Variants in NRP1 observed in about 807,000 individuals in gnomAD.
The protein encoded by NRP1 is neuropilin-1.
In NRP1, 35 loss-of-function variants were observed where a neutral mutation model predicts 106.7. The ratio of observed to expected loss-of-function variants is 0.33; its 90% CI spans 0.25 to 0.43. The LOEUF (loss-of-function observed/expected upper bound fraction) is 0.43, where lower values mean the gene tolerates loss of function less well. Among genes scored for constraint, NRP1 ranks in the 20% least tolerant of loss-of-function variants. The pLI is 1.00. For missense variants in NRP1, 1,024 were observed against 1,170.4 expected, an observed-to-expected ratio of 0.87 and a Z score of 1.83; for synonymous variants, 437 against 417.9, an observed-to-expected ratio of 1.05 and a Z score of -0.56.
At chr10:33,181,412 C>T (rs1835676706) in intron 16 of NRP1, among the ~76,000 whole-genome samples, 1 of 152,166 alleles carries the variant, frequency 6.6e-6, no homozygotes, top group Non-Finnish European at 1.5e-5. Flanking sequence ...CAGCAAGGTG[C>T]AATATTTATT....
intron 8 of NRP1, among the ~76,000 whole-genome samples, chr10:33,214,055 G>A (rs1423393589): frequency 6.6e-6 from 1 of 152,196 alleles, no homozygotes; most frequent in Non-Finnish European, 1.5e-5. Context: ...CTTAAGAGAA[G>A]TTCATAGTTT....
intron 2 of NRP1, among the ~76,000 whole-genome samples, chr10:33,311,747 A>C (rs1193819078): frequency 6.6e-6 from 1 of 152,192 alleles, no homozygotes; most frequent in East Asian, 1.9e-4. Context: ...TACCACTTAT[A>C]TATATTTTTA....
chr10:33,285,359 A>G (rs1662144256), intron 2 of NRP1, among the ~76,000 whole-genome samples: 1 of 152,216 alleles, frequency 6.6e-6, no homozygotes, highest in South Asian at 2.1e-4. Flanking sequence ...AGAACACTCA[A>G]TGGAGTGGAA....
intron 2 of NRP1, among the ~76,000 whole-genome samples, chr10:33,316,013 T>G (rs1389485509): frequency 6.6e-6 from 1 of 152,206 alleles, no homozygotes; most frequent in East Asian, 1.9e-4. Context: ...ATCTCCTTAT[T>G]TGGCCTCCTG....
chr10:33,270,804 C>T lies in NRP1; in HGVS notation c.301G>A (p.Gly101Arg). 6.2e-7 allele frequency: 1 copy of T among 1,613,516 alleles called. No individual in the cohort carries two copies. The highest frequency in any genetic ancestry group is 2.2e-5 in the East Asian group (1 of 44,866). ...GGGGCTATCTTTCCACAGAACTTTC[C>T]CCTAAAATGTCCATTTTCATTTTCT... The part of the protein sequence containing the change: ...DGENENGHFR[G>R]KFCGKIAPPP... The change falls in exon 3 of 17, where the codon GGA becomes AGA. Residue 101 changes from glycine (G) to arginine (R), a missense_variant. Physicochemically the swap from Gly to Arg is moderately radical, Grantham distance 125. Transcript: ENST00000374867.
intron 7 of NRP1, 26 bp downstream of exon 7, chr10:33,226,108 G>T (rs926803785): frequency 6.2e-7 from 1 of 1,610,864 alleles, no homozygotes; most frequent in Non-Finnish European, 8.5e-7. Context: ...GACCAAATTG[G>T]TTGCCACGGT....
intron 13 of NRP1, among the ~76,000 whole-genome samples, chr10:33,188,143 C>T (rs1235522088): frequency 6.6e-6 from 1 of 152,104 alleles, no homozygotes. Flanking sequence ...TGTGATGAAT[C>T]CACCACGATG....
At chr10:33,248,291 AG>A (rs925830883) in intron 6 of NRP1, among the ~76,000 whole-genome samples, 8 of 152,176 alleles carry the variant, frequency 5.3e-5, no homozygotes, top group Admixed American at 3.3e-4. Context: ...CTCTGTCTCA[AG>A]AAAAAAGTGC....
intron 2 of NRP1, among the ~76,000 whole-genome samples, chr10:33,313,846 G>A (rs779247769): frequency 1.3e-5 from 2 of 152,206 alleles, no homozygotes; most frequent in Non-Finnish European, 2.9e-5. Context: ...GCACAATCAA[G>A]AGAAGCTTCT....
chr10:33,211,180 T>G (rs1054969479), intron 9 of NRP1: 1 of 152,236 alleles, frequency 6.6e-6, no homozygotes, highest in African/African-American at 2.4e-5. Flanking sequence ...TTAGATCTGG[T>G]TGCAGACGCA....
chr10:33,224,698 C>T (rs1327967033), intron 7 of NRP1, among the ~76,000 whole-genome samples: 1 of 152,072 alleles, frequency 6.6e-6, no homozygotes, highest in East Asian at 1.9e-4. Context: ...AGCTATTTTT[C>T]CTGATGCTCT....
intron 7 of NRP1, among the ~76,000 whole-genome samples, 162 bp from the exon 8 acceptor site, chr10:33,222,025 A>T (rs1414696662): frequency 6.6e-6 from 1 of 152,256 alleles, no homozygotes; most frequent in Non-Finnish European, 1.5e-5. Flanking sequence ...TCAATTAGCA[A>T]TCAGAATGAT....
chr10:33,300,141 T>A (rs1845700486), intron 2 of NRP1, among the ~76,000 whole-genome samples: 1 of 152,230 alleles, frequency 6.6e-6, no homozygotes, highest in Admixed American at 6.5e-5. Flanking sequence ...GGGGACACCC[T>A]GTGTACATTT....
intron 2 of NRP1, among the ~76,000 whole-genome samples, chr10:33,279,979 C>T (rs572904293): frequency 2.0e-5 from 3 of 152,326 alleles, no homozygotes; most frequent in Admixed American, 6.5e-5. Flanking sequence ...GATTGAGCCA[C>T]ACTCTCCTGA....
intron 6 of NRP1, among the ~76,000 whole-genome samples, chr10:33,246,507 AT>A (rs1224686835): frequency 2.6e-5 from 4 of 151,954 alleles, no homozygotes; most frequent in Admixed American, 1.3e-4. Flanking sequence ...ACCTTGGGGA[AT>A]TTTTTTTAAA....
chr10:33,194,783 A>G (rs1197646928), intron 12 of NRP1: 2 of 522,926 alleles, frequency 3.8e-6, no homozygotes, highest in Non-Finnish European at 7.8e-6. Flanking sequence ...CAGCCTGGCT[A>G]GAAAGACAAA....
At chr10:33,329,689 G>A (rs377554013) in intron 2 of NRP1, among the ~76,000 whole-genome samples, 1 of 152,126 alleles carries the variant, frequency 6.6e-6, no homozygotes, top group South Asian at 2.1e-4. Flanking sequence ...ATTTTTCTTT[G>A]ATAAAACTAT....
At chr10:33,263,606 C>T (rs762135032) in intron 4 of NRP1, 40 bp downstream of exon 4, 1 of 1,507,862 alleles carries the variant, frequency 6.6e-7, no homozygotes, top group Non-Finnish European at 9.2e-7. Context: ...GCCCTTCCTC[C>T]AGAACCTTCC....
intron 2 of NRP1, among the ~76,000 whole-genome samples, chr10:33,294,384 G>A (rs1041267552): frequency 2.0e-5 from 3 of 152,154 alleles, no homozygotes; most frequent in Non-Finnish European, 2.9e-5. Flanking sequence ...TTGGGAGGCC[G>A]AAGAGGGCGG....
Sources: gnomAD v4.1 joint callset for allele counts (sites outside exome capture counted in the v4.1 genomes callset) on GRCh38, gnomAD v4.1.1 for gene constraint, MANE v1.5 for transcripts, NCBI Gene and HGNC (gene_info 2026-07-23, HGNC 2026-07-21) for gene names.